The following TPH2 variants were observed in gnomAD, a reference collection of about 807,000 sequenced individuals.
TPH2 encodes the protein tryptophan 5-hydroxylase 2.
In TPH2, 27 loss-of-function variants were observed where a neutral mutation model predicts 59.1. That is an observed-to-expected ratio of 0.46 (90% CI 0.34 to 0.63). The LOEUF is 0.63. TPH2 is among the 30% of genes least tolerant of loss of function. The pLI, the probability that TPH2 is intolerant of heterozygous loss-of-function variation, is 0.01. For synonymous variants in TPH2, 220 were observed against 210.5 expected (o/e 1.05, Z -0.39); for missense variants, 523 against 588.3 (o/e 0.89, Z 1.15).
In TPH2 at chr12:72,012,363, C is replaced by T. The variant is rs113300122; in HGVS notation, c.1069-10036C>T. On this transcript the variant is annotated intron_variant, in intron 8 of 10. Coordinates refer to ENST00000333850, the MANE Select transcript of TPH2 (RefSeq NM_173353.4). ...ACCTGCCAGATGGACACGAATCAGA[C>T]GAAGGGGCTCGGCAATGACAAGAGC... 8.2e-4 allele frequency among the ~76,000 whole-genome samples: 124 copies of T among 152,138 alleles called. 1 individual carries two copies. Among genetic ancestry groups the T allele is most frequent in the African/African-American group, 2.0e-3 (85 of 41,482 alleles).
chr12:71,985,291 A>G (rs1006998679), intron 7 of TPH2, among the ~76,000 whole-genome samples: 1 of 152,240 alleles, frequency 6.6e-6, no homozygotes, highest in African/African-American at 2.4e-5. Context: ...ACACTAAACA[A>G]AAATACTCAA....
At chr12:71,993,127 T>A (rs952259929) in intron 7 of TPH2, among the ~76,000 whole-genome samples, 2 of 152,220 alleles carry the variant, frequency 1.3e-5, no homozygotes, top group African/African-American at 4.8e-5. Flanking sequence ...CTGGCCAAGA[T>A]TGGGGATACG....
chr12:72,002,900 C>A lies in TPH2; in HGVS notation c.1068+8335C>A, dbSNP rs542377702. Among the ~76,000 whole-genome samples, 3 of 151,924 alleles carry A rather than the reference C, an allele frequency of 2.0e-5. No homozygotes were observed. In the East Asian group the frequency reaches 5.8e-4, roughly 29 times the overall value. The stretch of plus-strand genomic sequence containing the variant: ...TGGGGCTTTTGGTGGTCATGAATCA[C>A]GTGTATTTGAATTTTCAGGATAACC... On this transcript the variant is annotated intron_variant, in intron 8 of 10. Coordinates refer to ENST00000333850, the MANE Select transcript of TPH2 (RefSeq NM_173353.4).
intron 8 of TPH2, among the ~76,000 whole-genome samples, chr12:72,014,858 G>A (rs184818262): frequency 6.6e-6 from 1 of 152,148 alleles, no homozygotes; most frequent in South Asian, 2.1e-4. Flanking sequence ...TTGGATGAAC[G>A]ATGTTGGGAT....
intron 8 of TPH2, among the ~76,000 whole-genome samples, chr12:72,005,311 T>A (rs759685486): frequency 6.6e-6 from 1 of 152,072 alleles, no homozygotes; most frequent in Non-Finnish European, 1.5e-5. Context: ...TAATGCAGGG[T>A]GACTCAGGGA....
At position 72,000,612 on chromosome 12, in the gene TPH2, A is replaced by G. The variant is rs554755168; in HGVS notation, c.1068+6047A>G. ...CAGATCCATTAGACAATAGGAGAGT[A>G]TGTCTTTCGAAAGGCACATAGTAAT... On this transcript the variant is annotated intron_variant, in intron 8 of 10. Transcript: ENST00000333850. Among the ~76,000 whole-genome samples the G allele has an allele frequency of 1.6e-4, 25 of 152,280 alleles. No homozygotes were observed. In the South Asian group the frequency reaches 4.6e-3, roughly 28 times the overall value.
chr12:71,939,049 T>G lies in TPH2; in HGVS notation c.63T>G (p.Asp21Glu), dbSNP rs1474478805. 1 of 1,614,152 alleles carries G rather than the reference T, an allele frequency of 6.2e-7. No individual in the cohort carries two copies. Among genetic ancestry groups the G allele is most frequent in the East Asian group, 2.2e-5 (1 of 44,874 alleles). The change falls in exon 1 of 11, where the codon GAT (aspartate) becomes GAG (glutamate). Residue 21 changes from aspartate to glutamate, a missense_variant. Transcript: ENST00000333850. Reference protein sequence around the residue: ...KYWARRGFSLDSAVPEEHQLL... With the variant: ...KYWARRGFSLESAVPEEHQLL... ...GGGCACGGAGAGGGTTTTCCCTGGA[T>G]TCAGCAGTGCCCGAAGAGCATCAGC...
At chr12:71,948,963 T>A (rs967355955) in intron 4 of TPH2, among the ~76,000 whole-genome samples, 1 of 152,220 alleles carries the variant, frequency 6.6e-6, no homozygotes, top group African/African-American at 2.4e-5. Flanking sequence ...GATAAAAATC[T>A]TGAAGTTGGC....
intron 4 of TPH2, among the ~76,000 whole-genome samples, chr12:71,947,813 C>T (rs944062160): frequency 6.6e-6 from 1 of 152,040 alleles, no homozygotes. Flanking sequence ...ATGAGTAAAT[C>T]GCTCTCTTGC....
chr12:71,938,983 AT>A lies in TPH2; in HGVS notation c.-3del. On this transcript the variant is annotated 5_prime_UTR_variant, in exon 1 of 11. Transcript: ENST00000333850. The stretch of plus-strand genomic sequence containing the variant: ...TGCAGAGAAAGAATATTACACCGGG[AT>A]CCATGCAGCCAGCAATGATGATGTT... The A allele has an allele frequency of 6.2e-7, 1 of 1,612,676 alleles. No homozygotes were observed. Among genetic ancestry groups the A allele is most frequent in the Non-Finnish European group, 8.5e-7 (1 of 1,178,742 alleles).
At chr12:72,000,569 G>A (rs1872797836) in intron 8 of TPH2, among the ~76,000 whole-genome samples, 1 of 152,142 alleles carries the variant, frequency 6.6e-6, no homozygotes, top group Non-Finnish European at 1.5e-5. Flanking sequence ...AGGAATGGTG[G>A]GTGGCATTTT....
Position 71,987,595 on chromosome 12 carries a change from T to A in TPH2, c.942-6844T>A, listed in dbSNP as rs140607316. 1.5e-3 allele frequency among the ~76,000 whole-genome samples: 234 copies of A among 152,312 alleles called. 2 individuals carry two copies. In the East Asian group the frequency reaches 0.025, roughly 16 times the overall value. On this transcript the variant is annotated intron_variant, in intron 7 of 10. Coordinates refer to ENST00000333850, the MANE Select transcript of TPH2 (RefSeq NM_173353.4). ...TGGGTGCGGTGGCTCACGCCTGTAA[T>A]CCTAGCACTTTGGGAGGCTGAGACG...
chr12:71,979,239 T>A, intron 7 of TPH2, 152 bp downstream of exon 7: 1 of 1,229,780 alleles, frequency 8.1e-7, no homozygotes, highest in Non-Finnish European at 1.2e-6. Flanking sequence ...AAGGGCTCAC[T>A]GAAGGATCAG....
intron 9 of TPH2, among the ~76,000 whole-genome samples, chr12:72,030,826 A>G (rs1873699775): frequency 6.6e-6 from 1 of 152,106 alleles, no homozygotes; most frequent in South Asian, 2.1e-4. Context: ...TTACCTCTCC[A>G]TGCAGATAAT....
At chr12:72,010,106 T>A (rs1873060585) in intron 8 of TPH2, among the ~76,000 whole-genome samples, 1 of 152,194 alleles carries the variant, frequency 6.6e-6, no homozygotes, top group African/African-American at 2.4e-5. Flanking sequence ...AATGGTTAGA[T>A]AACGTCTCCA....
At chr12:72,022,696 G>A (rs553192153) in intron 9 of TPH2, among the ~76,000 whole-genome samples, 1 of 152,334 alleles carries the variant, frequency 6.6e-6, no homozygotes, top group East Asian at 1.9e-4. Context: ...TTTGTGGTGT[G>A]ACTCAAATGG....
At chr12:71,956,061 A>G (rs7968346) in intron 5 of TPH2, among the ~76,000 whole-genome samples, 127,140 of 152,138 alleles carry the variant, frequency 0.84, 53,266 homozygotes, top group East Asian at 0.94. Context: ...GGGCCAGAGG[A>G]CCTGCTTCCA....
At chr12:72,008,229 G>A (rs1873006971) in intron 8 of TPH2, among the ~76,000 whole-genome samples, 1 of 152,174 alleles carries the variant, frequency 6.6e-6, no homozygotes, top group African/African-American at 2.4e-5. Flanking sequence ...TGTTACATAT[G>A]CTTACTGGTA....
chr12:71,948,298 A>G (rs911070963), intron 4 of TPH2, among the ~76,000 whole-genome samples: 6 of 152,106 alleles, frequency 3.9e-5, no homozygotes, highest in African/African-American at 1.4e-4. Context: ...AAAACTCCCA[A>G]TTCACAGTAA....
Sources: allele counts gnomAD v4.1 joint callset (sites outside exome capture counted in the v4.1 genomes callset), GRCh38; gene constraint gnomAD v4.1.1; transcripts MANE v1.5; gene names NCBI Gene and HGNC (gene_info 2026-07-23, HGNC 2026-07-21).